Variants in BTBD3 observed in about 807,000 individuals in gnomAD.
BTBD3 encodes BTB/POZ domain-containing protein 3.
BTBD3 carries 14 observed loss-of-function variants against 41.6 expected under a neutral mutation model. That is an observed-to-expected ratio of 0.34 (90% CI 0.22 to 0.53). The LOEUF is 0.53. Among genes scored for constraint, BTBD3 ranks in the 20% least tolerant of loss-of-function variants. The pLI is 0.95. For missense variants in BTBD3, 426 were observed against 654.7 expected, an observed-to-expected ratio of 0.65 and a Z score of 3.81; for synonymous variants, 249 against 233.7, an observed-to-expected ratio of 1.07 and a Z score of -0.60.
At chr20:11,915,507 A>G (rs2056912507), upstream of BTBD3, among the ~76,000 whole-genome samples, 1 of 152,174 alleles carries the variant, frequency 6.6e-6, no homozygotes, top group East Asian at 1.9e-4. Context: ...TCAACCTTGA[A>G]TACTGTATGA....
intron 1 of BTBD3, among the ~76,000 whole-genome samples, chr20:11,906,253 C>CTTTTTTTTTTTT (rs1568610658): frequency 1.6e-4 from 6 of 37,348 alleles, no homozygotes; most frequent in Admixed American, 3.3e-4. Context: ...TATTATTACT[C>CTTTTTTTTTTTT]CTTTTTTTTT....
upstream of BTBD3, among the ~76,000 whole-genome samples, chr20:11,914,967 T>C (rs1014818137): frequency 5.3e-5 from 8 of 152,166 alleles, no homozygotes; most frequent in East Asian, 1.9e-4. Context: ...TTTCATCTTA[T>C]AGCTGAGGAA....
At chr20:11,908,940 T>C (rs1051025423) in intron 1 of BTBD3, among the ~76,000 whole-genome samples, 5 of 152,168 alleles carry the variant, frequency 3.3e-5, no homozygotes, top group Non-Finnish European at 7.3e-5. Context: ...TGTATACTTT[T>C]AAGCTAATTA....
At chr20:11,905,811 C>T (rs1600233280) in intron 1 of BTBD3, among the ~76,000 whole-genome samples, 1 of 152,268 alleles carries the variant, frequency 6.6e-6, no homozygotes, top group South Asian at 2.1e-4. Flanking sequence ...GCAAATGATC[C>T]CTTCCATTGT....
rs2056995075 is a variant in BTBD3, at chr20:11,923,927, ATTATGTGCT to A, written c.*264_*272del. 2 of 367,396 alleles carry A rather than the reference ATTATGTGCT, an allele frequency of 5.4e-6. No homozygotes were observed. Among genetic ancestry groups the A allele is most frequent in the African/African-American group, 4.2e-5 (2 of 47,972 alleles). The allele number at this position is 367,396 out of a possible 1,614,324, so 22.8% of individuals were successfully genotyped here. A position where few individuals can be genotyped will look rare whatever the true frequency, so the allele number is the denominator to read the frequency against. Reference sequence around the variant, plus strand: ...GAGTTGCATCTATGAACCTGGGGAGATTATGTGCTTTCCCAAGCGTTCCACCACCCTCTC... The same window carrying A: ...GAGTTGCATCTATGAACCTGGGGAGATTCCCAAGCGTTCCACCACCCTCTC... On this transcript the variant is annotated 3_prime_UTR_variant, in exon 4 of 4. Coordinates refer to ENST00000378226, the MANE Select transcript of BTBD3 (RefSeq NM_014962.4). The surrounding 1 kb of genome is among the most constrained non-coding windows in gnomAD (Gnocchi z 5.3).
chr20:11,914,930 GA>G (rs1405276801), upstream of BTBD3, among the ~76,000 whole-genome samples: 2 of 152,118 alleles, frequency 1.3e-5, no homozygotes, highest in Non-Finnish European at 2.9e-5. Context: ...TGTAAAGTTT[GA>G]AAAACATTCA....
At chr20:11,898,232 G>A (rs555978464) in intron 1 of BTBD3, among the ~76,000 whole-genome samples, 92 of 152,084 alleles carry the variant, frequency 6.0e-4, no homozygotes, top group Non-Finnish European at 1.1e-3. Flanking sequence ...CTCTTCTCCC[G>A]CTTGTCTCCC....
At chr20:11,897,484 CAAAAAAAAAAAAAAA>C (rs71186168) in intron 1 of BTBD3, among the ~76,000 whole-genome samples, 1 of 65,370 alleles carries the variant, frequency 1.5e-5, no homozygotes, top group Non-Finnish European at 2.7e-5. Flanking sequence ...GTTATTTAAG[CAAAAAAAAAAAAAAA>C]AAAAAAAAAA....
chr20:11,923,837 A>C lies in BTBD3; in HGVS notation c.*171A>C, dbSNP rs1169912677. On this transcript the variant is annotated 3_prime_UTR_variant, in exon 4 of 4. Coordinates refer to ENST00000378226, the MANE Select transcript of BTBD3 (RefSeq NM_014962.4). This position sits in a 1 kb window ranked among gnomAD's most constrained non-coding sequence, Gnocchi z 5.3. ...TTTAATTATGTACAGGCAAAAATGC[A>C]GCATTCCGCTTTTAACTATCTGCTT... 3.1e-6 allele frequency: 2 copies of C among 634,968 alleles called. No homozygotes were observed. Among genetic ancestry groups the C allele is most frequent in the Non-Finnish European group, 5.3e-6 (2 of 378,344 alleles). 39.3% of individuals were successfully genotyped at this position (634,968 alleles called of 1,614,324 possible).
chr20:11,920,279 C>T (rs928571344), intron 3 of BTBD3, among the ~76,000 whole-genome samples: 7 of 152,102 alleles, frequency 4.6e-5, no homozygotes, highest in African/African-American at 1.7e-4. Flanking sequence ...TTATTGTCTC[C>T]TAAGAGCAAA....
intron 1 of BTBD3, chr20:11,892,667 AT>A (rs1311433431): frequency 5.9e-5 from 9 of 152,126 alleles, no homozygotes; most frequent in African/African-American, 2.2e-4. Context: ...TTCTTTCCCA[AT>A]CCTTGCACTG....
chr20:11,919,839 A>G lies in BTBD3; in HGVS notation c.536+3A>G. On this transcript the variant is annotated splice_donor_region_variant and intron_variant, in intron 3 of 3. Transcript: ENST00000378226. ...GCTGCTTTTCTCGCTATGCTGAAGT[A>G]AGCATCATTCGTGTGTTTGGAAAGA... The G allele has an allele frequency of 6.2e-7, 1 of 1,610,618 alleles. No homozygotes were observed. Among genetic ancestry groups the G allele is most frequent in the Non-Finnish European group, 8.5e-7 (1 of 1,176,780 alleles).
chr20:11,906,717 T>C (rs1485391363), intron 1 of BTBD3, among the ~76,000 whole-genome samples: 1 of 152,230 alleles, frequency 6.6e-6, no homozygotes, highest in South Asian at 2.1e-4. Flanking sequence ...CTACTTGTGC[T>C]TTTGCTCTGC....
intron 1 of BTBD3, among the ~76,000 whole-genome samples, chr20:11,899,988 A>G (rs761643464): frequency 2.6e-5 from 4 of 152,232 alleles, no homozygotes; most frequent in African/African-American, 9.6e-5. Flanking sequence ...TCTACTGTCA[A>G]AATAATTCAA....
In BTBD3 at chr20:11,899,876, G is replaced by A. The variant is rs2122190173; in HGVS notation, c.-126+8922G>A. ...TATTTTAGAGATGGTTTATGCAACT[G>A]AAGAATACACAATAAATAAAAACCA... On this transcript the variant is annotated intron_variant, in intron 1 of 4. Transcript: ENST00000254977. Among the ~76,000 whole-genome samples the A allele has an allele frequency of 2.0e-5, 3 of 152,284 alleles. No homozygotes were observed. The South Asian group carries it at 6.2e-4, about 32-fold the overall frequency.
chr20:11,919,148 G>C lies in BTBD3; in HGVS notation c.389G>C (p.Gly130Ala), dbSNP rs1235522772. The C allele has an allele frequency of 6.2e-7, 1 of 1,613,782 alleles. No individual in the cohort carries two copies. Among genetic ancestry groups the C allele is most frequent in the Non-Finnish European group, 8.5e-7 (1 of 1,179,808 alleles). Residue 130 changes from glycine to alanine, a missense_variant, in exon 2 of 4, where the codon GGT becomes GCT. This residue lies in a region of BTBD3 where 321 missense variants were observed against 534.8 expected (regional missense o/e 0.60). Coordinates refer to ENST00000378226, the MANE Select transcript of BTBD3 (RefSeq NM_014962.4). ...ADVHFVVGPP[G>A]GTQRLPGHKY... ...GTACATTTTGTGGTTGGGCCACCAG[G>C]TGGGACTCAACGGTTGCCAGGACAC...
Position 11,922,901 on chromosome 20 carries a change from A to C in BTBD3, c.804A>C (p.Thr268=). The C allele has an allele frequency of 6.2e-7, 1 of 1,614,264 alleles. No homozygotes were observed. Among genetic ancestry groups the C allele is most frequent in the Non-Finnish European group, 8.5e-7 (1 of 1,180,048 alleles). Residue 268 remains threonine (T), a synonymous_variant, in exon 4 of 4, where the codon ACA becomes ACC. Coordinates refer to ENST00000378226, the MANE Select transcript of BTBD3 (RefSeq NM_014962.4). ...GATTCTGCGATATTGACTTCCAGAC[A>C]CTAGAAAGTATTCTCCGTAGGGAAA... ...SEGFCDIDFQ[T]LESILRRETL...
intron 1 of BTBD3, among the ~76,000 whole-genome samples, chr20:11,901,436 A>G (rs1038754701): frequency 6.6e-6 from 1 of 152,200 alleles, no homozygotes; most frequent in Admixed American, 6.5e-5. Context: ...ATGTGCAGTC[A>G]CTTTTGATCC....
rs1208695001 is a variant in BTBD3, at chr20:11,918,257, A to C, written c.-19A>C. The C allele has an allele frequency of 2.6e-6, 4 of 1,534,550 alleles. No homozygotes were observed. Among genetic ancestry groups the C allele is most frequent in the Non-Finnish European group, 3.5e-6 (4 of 1,149,330 alleles). On this transcript the variant is annotated 5_prime_UTR_variant, in exon 1 of 4. Transcript: ENST00000378226. Reference sequence around the variant, plus strand: ...ACCAATTTGGGATATCTAACTCTAAAGAGAGACACACTGTACTCATGGTAG... The same window carrying C: ...ACCAATTTGGGATATCTAACTCTAACGAGAGACACACTGTACTCATGGTAG...
Sources: gnomAD v4.1 joint callset for allele counts (sites outside exome capture counted in the v4.1 genomes callset) on GRCh38, gnomAD v4.1.1 for gene constraint, gnomAD v4.1.1 regional missense constraint, Gnocchi (gnomAD v3.1) non-coding constraint, MANE v1.5 for transcripts, NCBI Gene and HGNC (gene_info 2026-07-23, HGNC 2026-07-21) for gene names.